P2RX6: variants seen among roughly 807,000 people sequenced by gnomAD.
P2RX6 encodes the protein purinergic receptor P2X 6, also known as P2X purinoceptor 6.
In P2RX6, 62 loss-of-function variants were observed where a neutral mutation model predicts 54.2. That is an observed-to-expected ratio of 1.14 (90% CI 0.93 to 1.41). P2RX6 has a LOEUF of 1.41. Among genes scored for constraint, P2RX6 ranks in the 40% most tolerant of loss-of-function variants. P2RX6 has a pLI of 0.00. For missense variants in P2RX6, 541 were observed against 566.3 expected (o/e 0.96, Z 0.45); for synonymous variants, 211 against 231.9 (o/e 0.91, Z 0.82).
intron 6 of P2RX6, 38 bp downstream of exon 6, chr22:21,023,236 T>C (rs1314000751): frequency 6.2e-7 from 1 of 1,613,886 alleles, no homozygotes; most frequent in Admixed American, 1.7e-5. Flanking sequence ...AAGACCCTCC[T>C]TGTCCCCTAC....
chr22:21,026,074 G>A lies in P2RX6; in HGVS notation c.1048G>A (p.Val350Met), dbSNP rs755518563. Residue 350 changes from valine (V) to methionine (M), a missense_variant and splice_region_variant, in exon 10 of 12, where the codon GTG (valine) becomes ATG (methionine). By Grantham distance (21) the Val-to-Met change is conservative. Transcript: ENST00000413302. The surrounding 1 kb of genome is among the most constrained non-coding windows in gnomAD (Gnocchi z 4.0). ...TLGTGAAWLG[V>M]VTFFCDLLLL... ...GGGCACCGGGGCAGCTTGGCTGGGC[G>A]TGGTGAGTGCGAGCACTGTGGGCAC... 1.9e-5 allele frequency: 31 copies of A among 1,609,546 alleles called. No individual in the cohort carries two copies. The East Asian group carries it at 3.6e-4, about 19-fold the overall frequency.
At chr22:21,014,995 G>A (rs1398781112), upstream of P2RX6, 15 of 515,314 alleles carry the variant, frequency 2.9e-5, no homozygotes, top group Non-Finnish European at 5.0e-5. Flanking sequence ...CCCAGCAAAG[G>A]GAATGTAGGG....
chr22:21,011,378 C>T (rs1336229553), upstream of P2RX6: 7 of 635,896 alleles, frequency 1.1e-5, no homozygotes, highest in Admixed American at 2.4e-5. Context: ...CCTGCGCAGG[C>T]ATTACCTGCT....
intron 8 of P2RX6, 44 bp downstream of exon 8, chr22:21,023,662 C>T: frequency 7.0e-7 from 1 of 1,437,314 alleles, no homozygotes; most frequent in Non-Finnish European, 9.6e-7. Flanking sequence ...GGGCCCATCG[C>T]CCTCTCACTG....
At chr22:21,021,567 GA>G (rs1927413076) in intron 3 of P2RX6, among the ~76,000 whole-genome samples, 1 of 152,132 alleles carries the variant, frequency 6.6e-6, no homozygotes, top group Admixed American at 6.5e-5. Flanking sequence ...CTGTCTTTCA[GA>G]AAGTCCCACC....
chr22:21,020,622 G>T (rs1410235248), intron 3 of P2RX6, among the ~76,000 whole-genome samples: 2 of 138,696 alleles, frequency 1.4e-5, no homozygotes, highest in South Asian at 4.6e-4. Context: ...ACAGAGTCTC[G>T]CTCTGTCACC....
chr22:21,012,586 A>G, upstream of P2RX6: 1 of 613,550 alleles, frequency 1.6e-6, no homozygotes, highest in South Asian at 1.6e-5. Context: ...TGCCCCATAG[A>G]GCCCACTGTC....
chr22:21,024,878 G>GTGTTT lies in P2RX6; in HGVS notation c.891-926_891-925insGTTTT, dbSNP rs58685165. 2.2e-3 allele frequency among the ~76,000 whole-genome samples: 241 copies of GTGTTT among 110,746 alleles called. 1 individual carries two copies. The highest frequency in any genetic ancestry group is 4.1e-3 in the South Asian group (13 of 3,162). The allele number at this position is 110,746 out of a possible 152,430, so 72.7% of individuals were successfully genotyped here. A position where few individuals can be genotyped will look rare whatever the true frequency, so the allele number is the denominator to read the frequency against. ...GAGCCACCAAGCCTGTTTTTTTTGT[G>GTGTTT]TTTTTTTTTTTTTTTTTTTTAGATG... On this transcript the variant is annotated intron_variant, in intron 8 of 11. Transcript: ENST00000413302.
At chr22:21,014,924 A>G (rs1926072882), upstream of P2RX6, 1 of 417,854 alleles carries the variant, frequency 2.4e-6, no homozygotes, top group Non-Finnish European at 4.2e-6. Flanking sequence ...CTCCACTCCC[A>G]CCCCAGGAAG....
chr22:21,016,663 C>T (rs1382655662), intron 2 of P2RX6, among the ~76,000 whole-genome samples: 1 of 151,574 alleles, frequency 6.6e-6, no homozygotes, highest in Non-Finnish European at 1.5e-5. Flanking sequence ...AGGGAGTGTC[C>T]AGGACTAATG....
Position 21,022,977 on chromosome 22 carries a change from A to AC in P2RX6, c.502dup (p.His168ProfsTer5), listed in dbSNP as rs778784796. 2.5e-6 allele frequency: 4 copies of AC among 1,613,202 alleles called. No individual in the cohort carries two copies. The highest frequency in any genetic ancestry group is 3.4e-6 in the Non-Finnish European group (4 of 1,179,450). ...AGGCCAGTGTGTGGTGTTCAATGGG[A>AC]CCCACAGGACCTGTGAGATCTGGAG... On this transcript the variant is annotated frameshift_variant, in exon 5 of 12. Coordinates refer to ENST00000413302, the MANE Select transcript of P2RX6 (RefSeq NM_005446.5). LOFTEE classifies it high-confidence loss of function.
chr22:21,023,608 T>G lies in P2RX6; in HGVS notation c.880T>G (p.Tyr294Asp). The part of the protein sequence containing the change: ...HYSFQLQEKS[Y>D]NFRTATHWWE... ...CTCCTTCCAGCTGCAGGAGAAGAGC[T>G]ACAACTTCAGGTGAGGCCCCACTGC... The change falls in exon 8 of 12, where the codon TAC becomes GAC. Residue 294 changes from tyrosine to aspartate, a missense_variant. This residue lies in a region of P2RX6 where 526 missense variants were observed against 531.5 expected (regional missense o/e 0.99). Transcript: ENST00000413302. 1 of 1,606,624 alleles carries G rather than the reference T, an allele frequency of 6.2e-7. No homozygotes were observed. Among genetic ancestry groups the G allele is most frequent in the East Asian group, 2.2e-5 (1 of 44,658 alleles).
Position 21,026,879 on chromosome 22 carries a change from G to C in P2RX6, c.*262G>C. Reference sequence around the variant, plus strand: ...GCACCTGTATTGCAGGGCTCCGACTGCATGTGGCAGGGGCTCCTGCTGCGT... The same window carrying C: ...GCACCTGTATTGCAGGGCTCCGACTCCATGTGGCAGGGGCTCCTGCTGCGT... On this transcript the variant is annotated 3_prime_UTR_variant, in exon 12 of 12. Coordinates refer to ENST00000413302, the MANE Select transcript of P2RX6 (RefSeq NM_005446.5). This position sits in a 1 kb window ranked among gnomAD's most constrained non-coding sequence, Gnocchi z 4.0. The C allele has an allele frequency of 1.6e-6, 1 of 611,338 alleles. No individual in the cohort carries two copies. The highest frequency in any genetic ancestry group is 2.7e-6 in the Non-Finnish European group (1 of 367,886). 37.9% of individuals were successfully genotyped at this position (611,338 alleles called of 1,614,324 possible). A position where few individuals can be genotyped will look rare whatever the true frequency, so the allele number is the denominator to read the frequency against.
intron 9 of P2RX6, 35 bp from the exon 10 acceptor site, chr22:21,025,976 C>G (rs141486634): frequency 1.3e-6 from 2 of 1,596,440 alleles, no homozygotes. Flanking sequence ...GGCTGACAGT[C>G]GTGGGCTGAG....
chr22:21,012,219 T>C (rs543613054), upstream of P2RX6, among the ~76,000 whole-genome samples: 1 of 152,258 alleles, frequency 6.6e-6, no homozygotes, highest in South Asian at 2.1e-4. Context: ...TGCAGGACTT[T>C]CCACTCTGCA....
chr22:21,023,247 C>T (rs1265110024), intron 6 of P2RX6, 28 bp from the exon 7 acceptor site: 2 of 1,613,852 alleles, frequency 1.2e-6, no homozygotes, highest in East Asian at 2.2e-5. Flanking sequence ...TGTCCCCTAC[C>T]TCATCTGACC....
rs199498246 is a variant in P2RX6, at chr22:21,026,586, C to G, written c.1295C>G (p.Thr432Ser). 1.9e-6 allele frequency: 3 copies of G among 1,589,802 alleles called. No individual in the cohort carries two copies. Among genetic ancestry groups the G allele is most frequent in the Admixed American group, 1.8e-5 (1 of 56,658 alleles). Residue 432 changes from threonine to serine, a missense_variant, in exon 12 of 12, where the codon ACC (threonine) becomes AGC (serine). Thr to Ser is a moderately conservative substitution (Grantham distance 58). This residue lies in a region of P2RX6 where 526 missense variants were observed against 531.5 expected (regional missense o/e 0.99). Transcript: ENST00000413302. The surrounding 1 kb of genome is among the most constrained non-coding windows in gnomAD (Gnocchi z 4.0). ...TPGWPCPSSD[T>S]HLPTHSGSL ...GGATGGCCCTGTCCAAGTTCTGACA[C>G]CCACTTGCCAACCCATTCCGGGAGC...
chr22:21,022,779 C>T (rs367734595), intron 4 of P2RX6, 28 bp downstream of exon 4: 70 of 1,545,142 alleles, frequency 4.5e-5, no homozygotes, highest in Non-Finnish European at 6.1e-6. Context: ...CTTCCAGTGC[C>T]CCCAGCAGGG....
In P2RX6 at chr22:21,015,977, G is replaced by A. The variant is rs781649149; in HGVS notation, c.200G>A (p.Arg67Gln). Reference sequence around the variant, plus strand: ...CTCGCCAAAAAAGGCTACCAGGAGCGGGACCTGGAACCCCAGTTTTCCATC... The same window carrying A: ...CTCGCCAAAAAAGGCTACCAGGAGCAGGACCTGGAACCCCAGTTTTCCATC... The part of the protein sequence containing the change: ...ALLAKKGYQE[R>Q]DLEPQFSIIT... Residue 67 changes from arginine to glutamine, a missense_variant, in exon 2 of 12, where the codon CGG becomes CAG. Arg to Gln is a conservative substitution (Grantham distance 43). Around this residue, in one of 2 missense-constraint regions of P2RX6, gnomAD observed 526 missense variants for 531.5 expected, o/e 0.99. Coordinates refer to ENST00000413302, the MANE Select transcript of P2RX6 (RefSeq NM_005446.5). The A allele has an allele frequency of 1.4e-5, 21 of 1,549,848 alleles. No individual in the cohort carries two copies. The highest frequency in any genetic ancestry group is 3.9e-5 in the Admixed American group (2 of 50,970).
Sources: allele counts gnomAD v4.1 joint callset (sites outside exome capture counted in the v4.1 genomes callset), GRCh38; gene constraint gnomAD v4.1.1; regional missense constraint gnomAD v4.1.1; non-coding constraint Gnocchi (gnomAD v3.1); transcripts MANE v1.5; gene names NCBI Gene and HGNC (gene_info 2026-07-23, HGNC 2026-07-21).